The following PIK3R4 variants were observed in gnomAD, a reference collection of about 807,000 sequenced individuals.
The protein encoded by PIK3R4 is phosphoinositide-3-kinase regulatory subunit 4.
Under a neutral mutation model 136.5 loss-of-function variants are expected in PIK3R4, and 46 were observed. That is an observed-to-expected ratio of 0.34 (90% CI 0.27 to 0.43). PIK3R4 has a LOEUF of 0.43. Among genes scored for constraint, PIK3R4 ranks in the 20% least tolerant of loss-of-function variants. The pLI is 1.00. For synonymous variants in PIK3R4, 557 were observed against 566.7 expected, an observed-to-expected ratio of 0.98 and a Z score of 0.24; for missense variants, 1,331 against 1,649.5, an observed-to-expected ratio of 0.81 and a Z score of 3.35.
intron 7 of PIK3R4, among the ~76,000 whole-genome samples, chr3:130,722,041 G>A (rs1202877293): frequency 1.3e-5 from 2 of 150,460 alleles, no homozygotes; most frequent in East Asian, 3.9e-4. Context: ...AATAAAGCTG[G>A]GGAAAAAAAA....
chr3:130,715,451 T>C (rs766622080), intron 9 of PIK3R4, among the ~76,000 whole-genome samples: 1 of 152,104 alleles, frequency 6.6e-6, no homozygotes, highest in Non-Finnish European at 1.5e-5. Context: ...ATAACTGCCA[T>C]TCTGACTGGC....
intron 12 of PIK3R4, 75 bp downstream of exon 12, chr3:130,705,486 T>C: frequency 1.1e-6 from 1 of 916,060 alleles, no homozygotes; most frequent in Non-Finnish European, 1.7e-6. Flanking sequence ...GGTAGTTAAG[T>C]ATTCATTTCC....
intron 11 of PIK3R4, 65 bp downstream of exon 11, chr3:130,706,883 A>C: frequency 1.4e-6 from 2 of 1,387,428 alleles, no homozygotes; most frequent in South Asian, 3.0e-5. Flanking sequence ...CAGCCTTTAA[A>C]CAACCAAAAT....
rs745566330 is a variant in PIK3R4, at chr3:130,716,485, G to GAA, written c.2241_2242insTT (p.Arg748PhefsTer21). The GAA allele has an allele frequency of 3.1e-6, 5 of 1,613,918 alleles. No homozygotes were observed. The highest frequency in any genetic ancestry group is 1.3e-5 in the African/African-American group (1 of 75,032). ...AGAGAACCATTTCGTTTCTTCTGAC[G>GAA]CATGTGAAGATGTCTGAACAAGCTA... On this transcript the variant is annotated frameshift_variant, in exon 9 of 20. Coordinates refer to ENST00000356763, the MANE Select transcript of PIK3R4 (RefSeq NM_014602.3). LOFTEE classifies it high-confidence loss of function.
Position 130,681,041 on chromosome 3 carries a change from T to A in PIK3R4, c.3733A>T (p.Ile1245Phe). The A allele has an allele frequency of 6.3e-7, 1 of 1,593,224 alleles. No individual in the cohort carries two copies. Among genetic ancestry groups the A allele is most frequent in the Non-Finnish European group, 8.6e-7 (1 of 1,161,140 alleles). ...LQPSPHSVHG[I>F]YCSPADGNPI... ...TTTCCATCTGCAGGACTACAGTAGATACCATGGACGCTATGAGGAGAAGGC... is the reference window on the plus strand; with the variant it reads ...TTTCCATCTGCAGGACTACAGTAGAAACCATGGACGCTATGAGGAGAAGGC... Residue 1245 changes from isoleucine to phenylalanine, a missense_variant, in exon 18 of 20, where the codon ATC (isoleucine) becomes TTC (phenylalanine). Around this residue, in one of 2 missense-constraint regions of PIK3R4, gnomAD observed 1,180 missense variants for 1,407.0 expected, o/e 0.84. Coordinates refer to ENST00000356763, the MANE Select transcript of PIK3R4 (RefSeq NM_014602.3).
chr3:130,710,802 CA>C (rs2066628982), intron 9 of PIK3R4, among the ~76,000 whole-genome samples: 1 of 151,518 alleles, frequency 6.6e-6, no homozygotes, highest in Non-Finnish European at 1.5e-5. Context: ...TAATAGCACT[CA>C]AAATAATCAA....
chr3:130,725,574 A>C (rs2066726698), intron 6 of PIK3R4, among the ~76,000 whole-genome samples: 1 of 144,766 alleles, frequency 6.9e-6, no homozygotes, highest in Admixed American at 7.2e-5. Flanking sequence ...GAGACTTTAC[A>C]TACAAAAGTA....
chr3:130,720,094 T>C (rs995197787), intron 7 of PIK3R4, among the ~76,000 whole-genome samples: 42 of 152,220 alleles, frequency 2.8e-4, no homozygotes, highest in Admixed American at 2.7e-3. Flanking sequence ...TACAGCATTA[T>C]TATATCATTA....
In PIK3R4 at chr3:130,735,905, C is replaced by T; in HGVS notation, c.831G>A (p.Val277=). 6.2e-7 allele frequency: 1 copy of T among 1,612,362 alleles called. No individual in the cohort carries two copies. The highest frequency in any genetic ancestry group is 8.5e-7 in the Non-Finnish European group (1 of 1,179,440). ...YRNGHFFPEQ[V]LNKIEDHSIR... ...TACTGTGATCTTCAATTTTATTTAGCACTTGTTCAGGGAAAAAATGTCCAT... is the reference window on the plus strand; with the variant it reads ...TACTGTGATCTTCAATTTTATTTAGTACTTGTTCAGGGAAAAAATGTCCAT... Residue 277 remains valine, a synonymous_variant, in exon 3 of 20, where the codon GTG becomes GTA. Transcript: ENST00000356763.
At chr3:130,740,670 C>T (rs1198693432) in intron 2 of PIK3R4, among the ~76,000 whole-genome samples, 2 of 152,008 alleles carry the variant, frequency 1.3e-5, no homozygotes, top group African/African-American at 4.8e-5. Context: ...GTGGAAGTTG[C>T]AATGAGCCAA....
intron 3 of PIK3R4, among the ~76,000 whole-genome samples, chr3:130,735,129 G>A (rs1190380529): frequency 6.6e-6 from 1 of 151,994 alleles, no homozygotes; most frequent in African/African-American, 2.4e-5. Context: ...CAATAAATAT[G>A]GCCTCAACTG....
rs5852606 is a variant in PIK3R4 at position 130,728,686 on chromosome 3, T to TAAAAAAAA, written c.1586-10_1586-3dup. On this transcript the variant is annotated splice_polypyrimidine_tract_variant and splice_region_variant and intron_variant, in intron 5 of 19. Transcript: ENST00000356763. ...CCATTTCATGTAAGGCTTGGAGCTC[T>TAAAAAAAA]AAAAAAAAAAAAAAAAGAAAGAAAG... is the stretch of plus-strand genomic sequence containing the variant. 35 of 1,028,064 alleles carry TAAAAAAAA rather than the reference T, an allele frequency of 3.4e-5. No individual in the cohort carries two copies. Among genetic ancestry groups the TAAAAAAAA allele is most frequent in the South Asian group, 2.2e-4 (9 of 41,696 alleles). The allele number at this position is 1,028,064 out of a possible 1,614,324, so 63.7% of individuals were successfully genotyped here.
chr3:130,724,472 T>C (rs2066720466), intron 6 of PIK3R4, among the ~76,000 whole-genome samples: 1 of 152,126 alleles, frequency 6.6e-6, no homozygotes, highest in South Asian at 2.1e-4. Context: ...ATTTACACAT[T>C]CATAATCATG....
intron 13 of PIK3R4, among the ~76,000 whole-genome samples, 186 bp downstream of exon 13, chr3:130,703,537 G>C (rs1284079952): frequency 2.0e-5 from 3 of 152,074 alleles, no homozygotes; most frequent in Admixed American, 6.6e-5. Flanking sequence ...CACATTAGCT[G>C]TTTTACTTAT....
intron 10 of PIK3R4, among the ~76,000 whole-genome samples, chr3:130,707,611 T>G (rs1284094527): frequency 6.6e-6 from 1 of 152,218 alleles, no homozygotes; most frequent in Admixed American, 6.5e-5. Context: ...AAGTTACAAA[T>G]ACTTTTTCTC....
At chr3:130,744,343 T>C in intron 2 of PIK3R4, 143 bp downstream of exon 2, 1 of 826,816 alleles carries the variant, frequency 1.2e-6, no homozygotes, top group Non-Finnish European at 1.9e-6. Flanking sequence ...AATGCAGGAA[T>C]GCTGCCTCTA....
intron 10 of PIK3R4, 131 bp downstream of exon 10, chr3:130,708,160 T>G: frequency 1.4e-6 from 1 of 696,096 alleles, no homozygotes; most frequent in East Asian, 2.7e-5. Context: ...TGCTAAGTAA[T>G]GGAGTCACTG....
intron 1 of PIK3R4, among the ~76,000 whole-genome samples, chr3:130,746,051 T>G (rs1576466754): frequency 6.7e-6 from 1 of 150,248 alleles, no homozygotes; most frequent in East Asian, 1.9e-4. Context: ...AAAGAAAAAC[T>G]GAAAACTGAA....
chr3:130,744,379 C>T, intron 2 of PIK3R4, 107 bp downstream of exon 2: 1 of 1,259,854 alleles, frequency 7.9e-7, no homozygotes, highest in Non-Finnish European at 1.1e-6. Flanking sequence ...GAGGACAAAC[C>T]AAGACATTAA....
Sources: allele counts gnomAD v4.1 joint callset (sites outside exome capture counted in the v4.1 genomes callset), GRCh38; gene constraint gnomAD v4.1.1; regional missense constraint gnomAD v4.1.1; transcripts MANE v1.5; gene names NCBI Gene and HGNC (gene_info 2026-07-23, HGNC 2026-07-21).